The following ADAMTS6 variants were observed in gnomAD, a reference collection of about 807,000 sequenced individuals.
ADAMTS6 encodes the protein ADAM metallopeptidase with thrombospondin type 1 motif 6, also known as A disintegrin and metalloproteinase with thrombospondin motifs 6.
In ADAMTS6, 23 loss-of-function variants were observed where a neutral mutation model predicts 144.3. That is an observed-to-expected ratio of 0.16 (90% CI 0.11 to 0.23). The LOEUF (loss-of-function observed/expected upper bound fraction) is 0.23. Ranked by LOEUF, ADAMTS6 falls within the 10% of genes least tolerant of loss-of-function variation. ADAMTS6 has a pLI of 1.00. For synonymous variants in ADAMTS6, 444 were observed against 457.5 expected (o/e 0.97, Z 0.38); for missense variants, 999 against 1,379.6 (o/e 0.72, Z 4.37).
At chr5:65,330,689 T>C (rs528764523) in intron 8 of ADAMTS6, among the ~76,000 whole-genome samples, 3 of 152,224 alleles carry the variant, frequency 2.0e-5, no homozygotes, top group Admixed American at 1.3e-4. Context: ...AACAGCTACA[T>C]TGGAACAGAG....
intron 20 of ADAMTS6, among the ~76,000 whole-genome samples, chr5:65,203,315 G>C (rs896366516): frequency 6.6e-6 from 1 of 152,204 alleles, no homozygotes; most frequent in Non-Finnish European, 1.5e-5. Flanking sequence ...CTTGAGGCCA[G>C]GAGTTCTAGG....
At chr5:65,374,126 T>G (rs1294124044) in intron 7 of ADAMTS6, among the ~76,000 whole-genome samples, 1 of 152,126 alleles carries the variant, frequency 6.6e-6, no homozygotes. Context: ...ATAAGAGCTA[T>G]CTATGACAAA....
At chr5:65,384,029 C>T (rs1190577128) in intron 7 of ADAMTS6, among the ~76,000 whole-genome samples, 5 of 152,184 alleles carry the variant, frequency 3.3e-5, no homozygotes, top group African/African-American at 7.2e-5. Flanking sequence ...AGCCTTAAAA[C>T]GTTCCACCAC....
At chr5:65,377,576 C>T (rs1751674368) in intron 7 of ADAMTS6, among the ~76,000 whole-genome samples, 1 of 152,180 alleles carries the variant, frequency 6.6e-6, no homozygotes, top group African/African-American at 2.4e-5. Flanking sequence ...CAAAATATTA[C>T]AAAATGTTAA....
At chr5:65,400,157 T>G (rs960882532) in intron 7 of ADAMTS6, among the ~76,000 whole-genome samples, 2 of 152,296 alleles carry the variant, frequency 1.3e-5, no homozygotes, top group Middle Eastern at 3.4e-3. Flanking sequence ...AGATTTTTTT[T>G]TCTCTGTCCT....
At chr5:65,235,438 A>G (rs370352248) in intron 15 of ADAMTS6, among the ~76,000 whole-genome samples, 126 of 152,310 alleles carry the variant, frequency 8.3e-4, no homozygotes, top group African/African-American at 2.9e-3. Flanking sequence ...TGAAGGATAC[A>G]AAGTGTAGAT....
At chr5:65,337,649 A>G (rs1747430567) in intron 7 of ADAMTS6, among the ~76,000 whole-genome samples, 1 of 152,118 alleles carries the variant, frequency 6.6e-6, no homozygotes, top group South Asian at 2.1e-4. Context: ...TTATATTTAA[A>G]TATCATTTTT....
intron 9 of ADAMTS6, among the ~76,000 whole-genome samples, chr5:65,319,647 T>C (rs770970078): frequency 7.3e-6 from 1 of 136,722 alleles, no homozygotes; most frequent in African/African-American, 2.7e-5. Flanking sequence ...AGAGCAAGAC[T>C]GTCTCAAAAA....
intron 7 of ADAMTS6, among the ~76,000 whole-genome samples, chr5:65,393,631 A>C (rs1031068063): frequency 1.3e-5 from 2 of 152,212 alleles, no homozygotes; most frequent in Non-Finnish European, 2.9e-5. Context: ...GTCAGAGTAC[A>C]AATGATTCTC....
At chr5:65,478,713 A>G (rs1761010957) in intron 1 of ADAMTS6, among the ~76,000 whole-genome samples, 2 of 152,254 alleles carry the variant, frequency 1.3e-5, no homozygotes. Context: ...TGTCTTTTAC[A>G]GCAAGGAGTT....
intron 15 of ADAMTS6, among the ~76,000 whole-genome samples, chr5:65,229,296 A>C (rs1474688336): frequency 1.3e-5 from 2 of 152,206 alleles, no homozygotes; most frequent in Non-Finnish European, 2.9e-5. Context: ...CAGAATCTTT[A>C]ACTGGGCTGT....
At chr5:65,321,607 C>G (rs947312893) in intron 9 of ADAMTS6, among the ~76,000 whole-genome samples, 1 of 149,760 alleles carries the variant, frequency 6.7e-6, no homozygotes, top group Non-Finnish European at 1.5e-5. Flanking sequence ...ATCATGAAAT[C>G]TTTGCACATG....
intron 14 of ADAMTS6, among the ~76,000 whole-genome samples, chr5:65,248,041 C>CTTTCCTTATGCCCATCCTTATG (rs1468226392): frequency 3.9e-5 from 6 of 152,100 alleles, no homozygotes; most frequent in Non-Finnish European, 2.9e-5. Context: ...TATGTGTTCA[C>CTTTCCTTATGCCCATCCTTATG]CCAGATGGGC....
chr5:65,425,538 G>C (rs574404074), intron 7 of ADAMTS6, among the ~76,000 whole-genome samples: 2 of 152,270 alleles, frequency 1.3e-5, no homozygotes, highest in Admixed American at 6.5e-5. Flanking sequence ...ACGTAGAATA[G>C]TCCAGACTTG....
chr5:65,337,559 A>G (rs775348900), intron 7 of ADAMTS6, among the ~76,000 whole-genome samples: 19 of 152,154 alleles, frequency 1.2e-4, no homozygotes, highest in Non-Finnish European at 2.6e-4. Flanking sequence ...TACTACACTT[A>G]AGCCAATGTC....
intron 11 of ADAMTS6, among the ~76,000 whole-genome samples, chr5:65,287,608 G>A (rs1232645089): frequency 6.6e-6 from 1 of 152,100 alleles, no homozygotes; most frequent in Non-Finnish European, 1.5e-5. Flanking sequence ...TCAGCTCACT[G>A]CAACCCCCGC....
chr5:65,389,483 C>T (rs1752737747), intron 7 of ADAMTS6, among the ~76,000 whole-genome samples: 1 of 151,864 alleles, frequency 6.6e-6, no homozygotes, highest in African/African-American at 2.4e-5. Flanking sequence ...GAGCTATAAG[C>T]ATAAAAACAT....
At chr5:65,439,130 C>A (rs553943870) in intron 7 of ADAMTS6, among the ~76,000 whole-genome samples, 1 of 127,142 alleles carries the variant, frequency 7.9e-6, no homozygotes, top group African/African-American at 3.0e-5. Context: ...AAGGAAACCT[C>A]CAAATCTGTA....
intron 7 of ADAMTS6, among the ~76,000 whole-genome samples, chr5:65,356,361 T>A (rs541102514): frequency 6.6e-6 from 1 of 152,026 alleles, no homozygotes; most frequent in Admixed American, 6.6e-5. Context: ...AGATCCCTAA[T>A]TTTGGCAAAC....
Sources: gnomAD v4.1 joint callset for allele counts (sites outside exome capture counted in the v4.1 genomes callset) on GRCh38, gnomAD v4.1.1 for gene constraint, MANE v1.5 for transcripts, NCBI Gene and HGNC (gene_info 2026-07-23, HGNC 2026-07-21) for gene names.